ATXN1: variants seen among roughly 807,000 people sequenced by gnomAD.
ATXN1 encodes ataxin-1.
ATXN1 carries 8 observed loss-of-function variants against 56.4 expected under a neutral mutation model. The ratio of observed to expected loss-of-function variants is 0.14; its 90% CI spans 0.08 to 0.26. The LOEUF is 0.26. ATXN1 is among the 10% of genes least tolerant of loss of function. The pLI, the probability that ATXN1 is intolerant of heterozygous loss-of-function variation, is 1.00. For missense variants in ATXN1, 987 were observed against 1,106.5 expected (o/e 0.89, Z 1.53); for synonymous variants, 514 against 494.6 (o/e 1.04, Z -0.52).
At chr6:16,628,953 T>C (rs1303101781) in intron 3 of ATXN1, among the ~76,000 whole-genome samples, 7 of 152,212 alleles carry the variant, frequency 4.6e-5, no homozygotes, top group Non-Finnish European at 8.8e-5. Flanking sequence ...AAATTTATGG[T>C]AGAATGATTT....
intron 3 of ATXN1, among the ~76,000 whole-genome samples, chr6:16,604,147 C>T (rs561886071): frequency 3.0e-4 from 45 of 151,922 alleles, no homozygotes; most frequent in African/African-American, 5.6e-4. Context: ...TGGGAGAAAA[C>T]GATGGAAAGC....
chr6:16,466,714 T>C (rs149992044), intron 6 of ATXN1, among the ~76,000 whole-genome samples: 327 of 152,100 alleles, frequency 2.1e-3, no homozygotes, highest in African/African-American at 7.2e-3. Context: ...TATATATCCA[T>C]AGAAAATCTT....
At chr6:16,464,997 T>C (rs1051831937) in intron 6 of ATXN1, among the ~76,000 whole-genome samples, 3 of 152,180 alleles carry the variant, frequency 2.0e-5, no homozygotes, top group South Asian at 2.1e-4. Flanking sequence ...GCTAGGAATA[T>C]AGGAACTCTT....
intron 2 of ATXN1, among the ~76,000 whole-genome samples, chr6:16,732,693 C>T (rs1215488471): frequency 6.6e-6 from 1 of 152,148 alleles, no homozygotes; most frequent in Non-Finnish European, 1.5e-5. Context: ...CAAATGCATG[C>T]AGCACTTGAA....
At chr6:16,546,642 A>G (rs927808400) in intron 4 of ATXN1, among the ~76,000 whole-genome samples, 14 of 152,230 alleles carry the variant, frequency 9.2e-5, no homozygotes, top group Non-Finnish European at 1.5e-5. Context: ...TTGCTACTAC[A>G]AGATATAATT....
At chr6:16,448,529 A>G (rs564834939) in intron 6 of ATXN1, among the ~76,000 whole-genome samples, 39 of 152,276 alleles carry the variant, frequency 2.6e-4, no homozygotes, top group African/African-American at 8.9e-4. Context: ...TACTCCTTCT[A>G]TTTAACTGTA....
chr6:16,482,742 C>A (rs1489217601), intron 6 of ATXN1, among the ~76,000 whole-genome samples: 2 of 152,100 alleles, frequency 1.3e-5, no homozygotes, highest in Admixed American at 6.5e-5. Context: ...TCATATGGTG[C>A]CCAGGAGGGT....
intron 6 of ATXN1, among the ~76,000 whole-genome samples, chr6:16,429,043 C>T (rs187487693): frequency 3.4e-5 from 5 of 145,682 alleles, no homozygotes; most frequent in African/African-American, 7.7e-5. Context: ...GCAGTGGGGG[C>T]GGCGAGGGTA....
intron 2 of ATXN1, among the ~76,000 whole-genome samples, chr6:16,742,574 G>C (rs1760376787): frequency 6.6e-6 from 1 of 152,084 alleles, no homozygotes; most frequent in African/African-American, 2.4e-5. Context: ...TCTCTTAACA[G>C]GTTCTGACAT....
rs1253884654 is a variant in ATXN1 at position 16,760,737 on chromosome 6, C to A, written c.-730+561G>T. Among the ~76,000 whole-genome samples the A allele has an allele frequency of 6.6e-6, 1 of 151,300 alleles. No homozygotes were observed. Among genetic ancestry groups the A allele is most frequent in the Non-Finnish European group, 1.5e-5 (1 of 67,698 alleles). On this transcript the variant is annotated intron_variant, in intron 1 of 7. Transcript: ENST00000436367. This position sits in a 1 kb window ranked among gnomAD's most constrained non-coding sequence, Gnocchi z 5.3. Reference sequence around the variant, plus strand: ...CGGAGAAGTCCAGCCCTCCGTGAGACCCCCTCTCTCTCACCGCCCTCTCCG... The same window carrying A: ...CGGAGAAGTCCAGCCCTCCGTGAGAACCCCTCTCTCTCACCGCCCTCTCCG...
intron 4 of ATXN1, among the ~76,000 whole-genome samples, chr6:16,541,988 T>G (rs1761723786): frequency 6.6e-6 from 1 of 152,086 alleles, no homozygotes; most frequent in Non-Finnish European, 1.5e-5. Flanking sequence ...AGCAAAATGC[T>G]CAAGTTGGGA....
At chr6:16,537,621 G>A (rs72631315) in intron 4 of ATXN1, among the ~76,000 whole-genome samples, 6 of 151,464 alleles carry the variant, frequency 4.0e-5, no homozygotes, top group South Asian at 2.1e-4. Flanking sequence ...CAGGAGAATC[G>A]CTTGAACCCA....
intron 3 of ATXN1, among the ~76,000 whole-genome samples, chr6:16,605,887 G>A (rs1762996014): frequency 6.6e-6 from 1 of 152,116 alleles, no homozygotes; most frequent in African/African-American, 2.4e-5. Context: ...CAGCACTTTG[G>A]GAGGCTGAGA....
At chr6:16,323,457 G>T (rs1760728768) in intron 7 of ATXN1, among the ~76,000 whole-genome samples, 1 of 137,168 alleles carries the variant, frequency 7.3e-6, no homozygotes, top group Admixed American at 8.1e-5. Context: ...GGCAGATGTT[G>T]CAGTGAGCCA....
chr6:16,421,301 G>A (rs941888806), intron 6 of ATXN1, among the ~76,000 whole-genome samples: 3 of 151,758 alleles, frequency 2.0e-5, no homozygotes, highest in African/African-American at 4.8e-5. Flanking sequence ...ATATCAAACC[G>A]TGGTGTCATT....
intron 6 of ATXN1, among the ~76,000 whole-genome samples, chr6:16,408,819 C>T (rs925168651): frequency 6.6e-6 from 1 of 152,180 alleles, no homozygotes; most frequent in Non-Finnish European, 1.5e-5. Context: ...TAGCTCACTG[C>T]AGCCTCAATC....
chr6:16,613,188 C>T (rs1185308327), intron 3 of ATXN1, among the ~76,000 whole-genome samples: 2 of 147,610 alleles, frequency 1.4e-5, no homozygotes, highest in Non-Finnish European at 3.0e-5. Flanking sequence ...TGGCGTGAAC[C>T]CGGGAAGCGG....
chr6:16,574,838 C>A (rs1237437590), intron 4 of ATXN1, among the ~76,000 whole-genome samples: 2 of 126,028 alleles, frequency 1.6e-5, no homozygotes, highest in African/African-American at 6.4e-5. Context: ...TTTTTTTTTT[C>A]CTGTTTCAGG....
intron 4 of ATXN1, among the ~76,000 whole-genome samples, chr6:16,573,193 CT>C (rs1762363285): frequency 6.6e-6 from 1 of 152,112 alleles, no homozygotes; most frequent in Non-Finnish European, 1.5e-5. Flanking sequence ...TGTTGACATT[CT>C]TTTTAATCCT....
Sources: allele counts gnomAD v4.1 joint callset (sites outside exome capture counted in the v4.1 genomes callset), GRCh38; gene constraint gnomAD v4.1.1; non-coding constraint Gnocchi (gnomAD v3.1); transcripts MANE v1.5; gene names NCBI Gene and HGNC (gene_info 2026-07-23, HGNC 2026-07-21).